The following AGBL1 variants were observed in gnomAD, a reference collection of about 807,000 sequenced individuals.
AGBL1 encodes cytosolic carboxypeptidase 4.
Under a neutral mutation model 118.9 loss-of-function variants are expected in AGBL1, and 130 were observed. The observed-to-expected ratio is 1.09, with a 90% CI of 0.95 to 1.26. AGBL1 has a LOEUF of 1.26. Among genes scored for constraint, AGBL1 ranks in the 50% most tolerant of loss-of-function variants. The probability of loss-of-function intolerance (pLI) is 0.00; values close to 1 mark genes in which losing one functional copy is unlikely to be tolerated. For missense variants in AGBL1, 1,584 were observed against 1,298.1 expected (o/e 1.22, Z -3.38); for synonymous variants, 555 against 478.9 (o/e 1.16, Z -2.08).
intron 22 of AGBL1, among the ~76,000 whole-genome samples, chr15:86,692,322 T>A (rs1264097250): frequency 1.3e-5 from 2 of 152,084 alleles, no homozygotes; most frequent in African/African-American, 2.4e-5. Context: ...GAAGGAACTC[T>A]TTACAAAGCA....
At chr15:86,099,069 C>A (rs76473734) in intron 1 of AGBL1, among the ~76,000 whole-genome samples, 1,777 of 152,170 alleles carry the variant, frequency 0.012, 13 homozygotes, top group East Asian at 0.024. Flanking sequence ...ATCTATGGCA[C>A]ACAGCAAAAG....
rs141889428 is a variant in AGBL1, at chr15:86,402,699, C to A, written c.2555+5153C>A. Among the ~76,000 whole-genome samples the A allele has an allele frequency of 6.1e-3, 928 of 152,148 alleles. 8 individuals are homozygous for A. The highest frequency in any genetic ancestry group is 0.021 in the African/African-American group (890 of 41,510). ...TTGCAATAATGAATAAAAGCAGACC[C>A]GTTTCCTTTTGTGGTGATGGTGATG... On this transcript the variant is annotated intron_variant, in intron 18 of 22. Transcript: ENST00000614907.
intron 17 of AGBL1, among the ~76,000 whole-genome samples, chr15:86,301,477 G>C (rs1496878): frequency 0.7 from 106,079 of 151,514 alleles, 37,858 homozygotes; most frequent in African/African-American, 0.83. Context: ...AGCATAATGA[G>C]TTCTCTCCAT....
intron 23 of AGBL1, among the ~76,000 whole-genome samples, chr15:86,954,346 C>A (rs1469075574): frequency 1.3e-5 from 2 of 152,178 alleles, no homozygotes; most frequent in South Asian, 4.1e-4. Context: ...AGGACACTCA[C>A]ACTTGTATGT....
At chr15:86,516,882 G>T (rs2083128769) in intron 18 of AGBL1, among the ~76,000 whole-genome samples, 1 of 151,970 alleles carries the variant, frequency 6.6e-6, no homozygotes, top group South Asian at 2.1e-4. Flanking sequence ...TATATTTGCA[G>T]CTAATCTGGC....
At position 86,270,177 on chromosome 15, in the gene AGBL1, C is replaced by T. The variant is rs2079136579; in HGVS notation, c.1987+110C>T. The T allele has an allele frequency of 9.1e-6, 13 of 1,423,812 alleles. No homozygotes were observed. The South Asian group carries it at 1.6e-4, about 17-fold the overall frequency. The allele number at this position is 1,423,812 out of a possible 1,614,324, so 88.2% of individuals were successfully genotyped here. A position where few individuals can be genotyped will look rare whatever the true frequency, so the allele number is the denominator to read the frequency against. On this transcript the variant is annotated intron_variant, in intron 14 of 22. Coordinates refer to ENST00000614907, the MANE Select transcript of AGBL1 (RefSeq NM_001386094.1). ...TGGGTTCAGAGGGTTTGAAGTTGGGCAGAGTTTTGGGTTGCCAGGTGCAGC... is the reference window on the plus strand; with the variant it reads ...TGGGTTCAGAGGGTTTGAAGTTGGGTAGAGTTTTGGGTTGCCAGGTGCAGC...
At chr15:86,843,717 T>C (rs2079279472) in intron 22 of AGBL1, among the ~76,000 whole-genome samples, 1 of 152,216 alleles carries the variant, frequency 6.6e-6, no homozygotes, top group South Asian at 2.1e-4. Context: ...ACTGAAGATT[T>C]TTTTTAGCTT....
In AGBL1 at chr15:86,464,864, G is replaced by A. The variant is rs560210546; in HGVS notation, c.2556-57946G>A. Reference sequence around the variant, plus strand: ...TGCCAGTATTTTATTGAGGATTTTCGCATCAATGTTCATTAGGGATATTGG... The same window carrying A: ...TGCCAGTATTTTATTGAGGATTTTCACATCAATGTTCATTAGGGATATTGG... On this transcript the variant is annotated intron_variant, in intron 18 of 22. Transcript: ENST00000614907. Among the ~76,000 whole-genome samples the A allele has an allele frequency of 1.6e-4, 24 of 151,632 alleles. No individual in the cohort carries two copies. In the South Asian group the frequency reaches 2.7e-3, roughly 17 times the overall value.
intron 24 of AGBL1, among the ~76,000 whole-genome samples, chr15:87,002,253 G>C (rs2081447835): frequency 6.6e-6 from 1 of 152,000 alleles, no homozygotes; most frequent in Admixed American, 6.6e-5. Context: ...CCCATTTCTT[G>C]TTTTTGTCAG....
chr15:86,823,405 C>A (rs1055414935), intron 22 of AGBL1, among the ~76,000 whole-genome samples: 2 of 152,108 alleles, frequency 1.3e-5, no homozygotes, highest in Admixed American at 1.3e-4. Flanking sequence ...TCTGTCAGTG[C>A]CTTGAAATTT....
At position 86,277,349 on chromosome 15, in the gene AGBL1, G is replaced by A. The variant is rs2079274140; in HGVS notation, c.2076-2290G>A. On this transcript the variant is annotated intron_variant, in intron 15 of 22. Coordinates refer to ENST00000614907, the MANE Select transcript of AGBL1 (RefSeq NM_001386094.1). ...GTGTGTGTGTGTGTGTATGTTGGTG[G>A]TGTGAGAAGACAGATTTGACATAGT... Among the ~76,000 whole-genome samples the A allele has an allele frequency of 2.0e-5, 3 of 151,122 alleles. No homozygotes were observed. In the South Asian group the frequency reaches 6.3e-4, roughly 32 times the overall value.
At chr15:86,586,997 G>A (rs2084258286) in intron 21 of AGBL1, among the ~76,000 whole-genome samples, 1 of 152,058 alleles carries the variant, frequency 6.6e-6, no homozygotes, top group Non-Finnish European at 1.5e-5. Flanking sequence ...CCTTAGAAAG[G>A]CATATGAGGA....
chr15:86,691,177 A>G (rs2086162134), intron 22 of AGBL1, among the ~76,000 whole-genome samples: 1 of 152,102 alleles, frequency 6.6e-6, no homozygotes, highest in African/African-American at 2.4e-5. Flanking sequence ...GTATTCCTGG[A>G]GGTACTGACA....
chr15:86,157,064 A>C (rs769131033), intron 4 of AGBL1, among the ~76,000 whole-genome samples: 18 of 152,148 alleles, frequency 1.2e-4, no homozygotes, highest in Non-Finnish European at 2.2e-4. Flanking sequence ...TGCTGAGATT[A>C]TAAGTGTGAG....
In AGBL1 at chr15:86,540,712, T is replaced by A. The variant is rs368935532; in HGVS notation, c.2686-5290T>A. Reference sequence around the variant, plus strand: ...ATCTTATGGTAGAAAAGAAAAAGCTTCCTTAACTTAAATAATTGGATAATT... The same window carrying A: ...ATCTTATGGTAGAAAAGAAAAAGCTACCTTAACTTAAATAATTGGATAATT... On this transcript the variant is annotated intron_variant, in intron 19 of 22. Transcript: ENST00000614907. Among the ~76,000 whole-genome samples the A allele has an allele frequency of 1.6e-3, 238 of 152,324 alleles. 1 individual carries two copies. The highest frequency in any genetic ancestry group is 5.5e-3 in the African/African-American group (230 of 41,566).
intron 17 of AGBL1, among the ~76,000 whole-genome samples, chr15:86,359,647 A>C (rs1012245372): frequency 1.3e-5 from 2 of 151,646 alleles, no homozygotes; most frequent in African/African-American, 4.8e-5. Flanking sequence ...GAACATTTTA[A>C]CAGTATTAAT....
At chr15:86,569,200 G>A (rs1325280525) in intron 21 of AGBL1, among the ~76,000 whole-genome samples, 4 of 152,174 alleles carry the variant, frequency 2.6e-5, no homozygotes, top group East Asian at 1.9e-4. Flanking sequence ...GGGAGGCTGA[G>A]GTGGGAGAAT....
chr15:86,476,083 C>G (rs2098372146), intron 18 of AGBL1, among the ~76,000 whole-genome samples: 1 of 152,220 alleles, frequency 6.6e-6, no homozygotes, highest in Admixed American at 6.5e-5. Flanking sequence ...GAAGGAAGTA[C>G]TAAATATGGA....
chr15:86,670,954 T>C (rs2085737227), intron 21 of AGBL1, among the ~76,000 whole-genome samples: 1 of 152,078 alleles, frequency 6.6e-6, no homozygotes, highest in East Asian at 1.9e-4. Context: ...TGCTTACTAA[T>C]ACTGTGCAGA....
Sources: allele counts gnomAD v4.1 joint callset (sites outside exome capture counted in the v4.1 genomes callset), GRCh38; gene constraint gnomAD v4.1.1; transcripts MANE v1.5; gene names NCBI Gene and HGNC (gene_info 2026-07-23, HGNC 2026-07-21).